Variants in ZYG11B observed in about 807,000 individuals in gnomAD.
ZYG11B encodes zyg-11 family member B, cell cycle regulator.
A neutral mutation model predicts 82.4 loss-of-function variants in ZYG11B; 36 were observed. That is an observed-to-expected ratio of 0.44 (90% CI 0.33 to 0.58). ZYG11B has a LOEUF of 0.58. ZYG11B is among the 20% of genes least tolerant of loss of function. The pLI, the probability that ZYG11B is intolerant of heterozygous loss-of-function variation, is 0.02. For missense variants in ZYG11B, 552 were observed against 895.6 expected, an observed-to-expected ratio of 0.62 and a Z score of 4.90; for synonymous variants, 303 against 312.8, an observed-to-expected ratio of 0.97 and a Z score of 0.33.
intron 4 of ZYG11B, among the ~76,000 whole-genome samples, chr1:52,783,882 A>ATGTACATACACGTATGTGTG (rs74208826): frequency 7.9e-6 from 1 of 126,012 alleles, no homozygotes; most frequent in Non-Finnish European, 1.6e-5. Flanking sequence ...ACGTGTGTGT[A>ATGTACATACACGTATGTGTG]TATGTACATA....
chr1:52,735,318 C>T (rs1320340058), intron 1 of ZYG11B, among the ~76,000 whole-genome samples: 3 of 151,936 alleles, frequency 2.0e-5, no homozygotes, highest in Non-Finnish European at 2.9e-5. Context: ...CATGAGCCAC[C>T]GTGCCCGGCC....
In ZYG11B at chr1:52,733,973, C is replaced by T. The variant is rs60577689; in HGVS notation, c.30+7290C>T. Among the ~76,000 whole-genome samples the T allele has an allele frequency of 4.8e-3, 737 of 152,112 alleles. 12 individuals are homozygous for T. The highest frequency in any genetic ancestry group is 0.017 in the African/African-American group (698 of 41,512). On this transcript the variant is annotated intron_variant, in intron 1 of 13. Transcript: ENST00000294353. ...TAATTATTAAATATTCAAAAATATA[C>T]AAATTGAAATAGACATAATTTTTTT...
At chr1:52,781,099 G>A (rs1336127886) in intron 4 of ZYG11B, among the ~76,000 whole-genome samples, 1 of 152,158 alleles carries the variant, frequency 6.6e-6, no homozygotes, top group African/African-American at 2.4e-5. Flanking sequence ...TCGTGCCACT[G>A]CACTCCAGCA....
chr1:52,783,893 CA>C (rs1644884879), intron 4 of ZYG11B, among the ~76,000 whole-genome samples: 1 of 81,940 alleles, frequency 1.2e-5, no homozygotes, highest in African/African-American at 4.2e-5. Context: ...TATGTACATA[CA>C]CGTGTGTGTA....
intron 10 of ZYG11B, among the ~76,000 whole-genome samples, chr1:52,810,398 T>C (rs1008997007): frequency 2.6e-5 from 4 of 152,176 alleles, no homozygotes; most frequent in Non-Finnish European, 5.9e-5. Flanking sequence ...ATGGCTGGAC[T>C]CACTTTATGT....
At chr1:52,772,124 G>T (rs1267306041) in intron 3 of ZYG11B, 11 of 1,022,964 alleles carry the variant, frequency 1.1e-5, no homozygotes, top group Middle Eastern at 2.6e-4. Context: ...TACATATATG[G>T]TTTTTTTGTT....
Position 52,771,576 on chromosome 1 carries a change from A to G in ZYG11B, c.753A>G (p.Thr251=), listed in dbSNP as rs149215552. Residue 251 remains threonine (T), a synonymous_variant, in exon 3 of 14, where the codon ACA becomes ACG. Coordinates refer to ENST00000294353, the MANE Select transcript of ZYG11B (RefSeq NM_024646.3). This position sits in a 1 kb window ranked among gnomAD's most constrained non-coding sequence, Gnocchi z 5.4. ...ATATCTCAGATGATAAACAGTTTAC[A>G]TCAGACATAGCTCTTCGCTTACTAG... ...HLDISDDKQF[T]SDIALRLLEQ... 6.2e-7 allele frequency: 1 copy of G among 1,614,144 alleles called. No individual in the cohort carries two copies. The highest frequency in any genetic ancestry group is 8.5e-7 in the Non-Finnish European group (1 of 1,180,056).
At chr1:52,803,249 C>CACATATATATATATACACAT (rs1645107540) in intron 10 of ZYG11B, among the ~76,000 whole-genome samples, 1 of 44,414 alleles carries the variant, frequency 2.3e-5, no homozygotes. Flanking sequence ...TACACACACA[C>CACATATATATATATACACAT]ATATATATAT....
rs1437348182 is a variant in ZYG11B, at chr1:52,823,099, T to G, written c.*1470T>G. The G allele has an allele frequency of 6.6e-6, 1 of 152,186 alleles. No individual in the cohort carries two copies. Among genetic ancestry groups the G allele is most frequent in the Non-Finnish European group, 1.5e-5 (1 of 68,034 alleles). 9.4% of individuals were successfully genotyped at this position (152,186 alleles called of 1,614,324 possible). On this transcript the variant is annotated 3_prime_UTR_variant, in exon 14 of 14. Coordinates refer to ENST00000294353, the MANE Select transcript of ZYG11B (RefSeq NM_024646.3). ...CAAACATTTTATACCATTATCACAA[T>G]AATCAGACTTGAATTTTTTTTGGAG...
intron 2 of ZYG11B, among the ~76,000 whole-genome samples, chr1:52,760,729 A>T (rs1644622962): frequency 6.8e-6 from 1 of 146,272 alleles, no homozygotes; most frequent in Non-Finnish European, 1.5e-5. Flanking sequence ...AAGTATTGAG[A>T]TTACAGGCAT....
rs181169770 is a variant in ZYG11B, at chr1:52,820,426, C to T, written c.2045-1013C>T. ...CTTTGGGAGGCTGAGGCAGGCAGAT[C>T]ACTTAAGGTCAGGAGTTTGAGACTG... is the stretch of plus-strand genomic sequence containing the variant. On this transcript the variant is annotated intron_variant, in intron 13 of 13. Transcript: ENST00000294353. 2.4e-3 allele frequency among the ~76,000 whole-genome samples: 360 copies of T among 151,424 alleles called. 2 individuals are homozygous for T. Among genetic ancestry groups the T allele is most frequent in the African/African-American group, 8.4e-3 (346 of 41,350 alleles).
Position 52,824,179 on chromosome 1 carries a change from CAG to C in ZYG11B, c.*2553_*2554del, listed in dbSNP as rs1300801671. 6.6e-6 allele frequency: 1 copy of C among 151,698 alleles called. No homozygotes were observed. Among genetic ancestry groups the C allele is most frequent in the African/African-American group, 2.4e-5 (1 of 41,300 alleles). 9.4% of individuals were successfully genotyped at this position (151,698 alleles called of 1,614,324 possible). Reference sequence around the variant, plus strand: ...CCTACTTTTTTTCTTTTTGTAGAGACAGAGTTTCACTCTGTCGCCCAAGCTGG... The same window carrying C: ...CCTACTTTTTTTCTTTTTGTAGAGACAGTTTCACTCTGTCGCCCAAGCTGG... On this transcript the variant is annotated 3_prime_UTR_variant, in exon 14 of 14. Transcript: ENST00000294353.
intron 2 of ZYG11B, among the ~76,000 whole-genome samples, chr1:52,765,492 C>T (rs1644674857): frequency 6.6e-6 from 1 of 152,044 alleles, no homozygotes; most frequent in South Asian, 2.1e-4. Flanking sequence ...CCACCACACT[C>T]AGTTTTTTGT....
At chr1:52,769,691 A>G (rs916498656) in intron 2 of ZYG11B, among the ~76,000 whole-genome samples, 1 of 152,220 alleles carries the variant, frequency 6.6e-6, no homozygotes, top group Non-Finnish European at 1.5e-5. Context: ...TCATTAGAGA[A>G]TAGTGCTCCC....
At chr1:52,748,677 A>G (rs1414484839) in intron 1 of ZYG11B, among the ~76,000 whole-genome samples, 1 of 152,124 alleles carries the variant, frequency 6.6e-6, no homozygotes, top group Admixed American at 6.6e-5. Flanking sequence ...AGCCTGGCCA[A>G]CATGGTGAAA....
At chr1:52,783,997 T>TATATATAGAGAG (rs543071878) in intron 4 of ZYG11B, among the ~76,000 whole-genome samples, 20 of 142,426 alleles carry the variant, frequency 1.4e-4, no homozygotes, top group African/African-American at 5.2e-4. Flanking sequence ...TATATATATA[T>TATATATAGAGAG]AGAGAGAGAG....
intron 13 of ZYG11B, among the ~76,000 whole-genome samples, chr1:52,817,765 G>GTA (rs1366515992): frequency 5.0e-5 from 3 of 60,048 alleles, no homozygotes; most frequent in South Asian, 1.4e-3. Context: ...AGTAAAGTGT[G>GTA]TATATATATG....
At chr1:52,777,590 A>G (rs539616259) in intron 3 of ZYG11B, among the ~76,000 whole-genome samples, 1 of 152,186 alleles carries the variant, frequency 6.6e-6, no homozygotes, top group East Asian at 1.9e-4. Context: ...ACAGGCATGC[A>G]CCATCACACG....
At chr1:52,758,852 C>A (rs1404554656) in intron 2 of ZYG11B, among the ~76,000 whole-genome samples, 1 of 152,176 alleles carries the variant, frequency 6.6e-6, no homozygotes, top group Non-Finnish European at 1.5e-5. Flanking sequence ...GTCCCTTACA[C>A]AGCTGCACAA....
Sources: allele counts gnomAD v4.1 joint callset (sites outside exome capture counted in the v4.1 genomes callset), GRCh38; gene constraint gnomAD v4.1.1; non-coding constraint Gnocchi (gnomAD v3.1); transcripts MANE v1.5; gene names NCBI Gene and HGNC (gene_info 2026-07-23, HGNC 2026-07-21).